POLE: variants seen among roughly 807,000 people sequenced by gnomAD.
POLE encodes the protein DNA polymerase epsilon catalytic subunit A.
In POLE, 188 loss-of-function variants were observed where a neutral mutation model predicts 279.2. The observed-to-expected ratio is 0.67, with a 90% confidence interval of 0.60 to 0.76. The LOEUF (loss-of-function observed/expected upper bound fraction) is 0.76, where lower values mean the gene tolerates loss of function less well. Among genes scored for constraint, POLE ranks in the 30% least tolerant of loss-of-function variants. The pLI is 0.00. For synonymous variants in POLE, 1,214 were observed against 1,172.5 expected (o/e 1.04, Z -0.72); for missense variants, 2,703 against 3,016.7 (o/e 0.90, Z 2.44).
intron 25 of POLE, chr12:132,660,253 C>T (rs2042649243): frequency 6.5e-6 from 1 of 152,978 alleles, no homozygotes. Context: ...ATGTTCCTGA[C>T]CACAGGCCCC....
rs146902214 is a variant in POLE, at chr12:132,632,794, C to G, written c.6006G>C (p.Ala2002=). The G allele has an allele frequency of 6.2e-7, 1 of 1,603,416 alleles. No homozygotes were observed. The highest frequency in any genetic ancestry group is 8.5e-7 in the Non-Finnish European group (1 of 1,177,080). The change falls in exon 44 of 49, where the codon GCG becomes GCC. Residue 2002 remains alanine (A), a splice_region_variant and synonymous_variant. Coordinates refer to ENST00000320574, the MANE Select transcript of POLE (RefSeq NM_006231.4). ...TGCAGTGGTACACGGCCACGATGTA[C>G]GCTGTGGAGAGGCACACACACCACA... is the stretch of plus-strand genomic sequence containing the variant. ...CQNYFLMIVS[A]YIVAVYHCMK...
rs1565981016 is a variant in POLE at position 132,680,638 on chromosome 12, T to C, written c.254A>G (p.Tyr85Cys). 6.2e-7 allele frequency: 1 copy of C among 1,614,098 alleles called. No individual in the cohort carries two copies. Among genetic ancestry groups the C allele is most frequent in the Non-Finnish European group, 8.5e-7 (1 of 1,179,958 alleles). ...TCTGCTTCCGTCATCTTGAATAAAG[T>C]AGTAATCCACTGCACTGCCTAAGCG... ...DKRLGSAVDY[Y>C]FIQDDGSRFK... The change falls in exon 3 of 49, where the codon TAC (tyrosine) becomes TGC (cysteine). Residue 85 changes from tyrosine to cysteine, a missense_variant. Around this residue, in one of 5 missense-constraint regions of POLE, gnomAD observed 1,011 missense variants for 1,111.7 expected, o/e 0.91. Transcript: ENST00000320574.
chr12:132,648,318 G>A (rs1477846445), intron 32 of POLE, among the ~76,000 whole-genome samples: 2 of 150,970 alleles, frequency 1.3e-5, no homozygotes, highest in Admixed American at 6.6e-5. Flanking sequence ...TCTTTTTGGA[G>A]TGATGAAAAT....
chr12:132,626,571 GAA>G (rs1434140136), intron 45 of POLE, among the ~76,000 whole-genome samples: 1 of 152,022 alleles, frequency 6.6e-6, no homozygotes, highest in Non-Finnish European at 1.5e-5. Context: ...TCAAAACACT[GAA>G]GAGAGAGAGC....
Position 132,670,178 on chromosome 12 carries a change from C to G in POLE, c.1795-1239G>C, listed in dbSNP as rs1270005952. 3.3e-5 allele frequency among the ~76,000 whole-genome samples: 5 copies of G among 151,808 alleles called. No individual in the cohort carries two copies. The East Asian group carries it at 9.9e-4, about 30-fold the overall frequency. ...CTGAGGTCGGGAGTTCGAGACCAGCCTGGCCAACATGGAGAAACCCTGTCT... is the reference window on the plus strand; with the variant it reads ...CTGAGGTCGGGAGTTCGAGACCAGCGTGGCCAACATGGAGAAACCCTGTCT... On this transcript the variant is annotated intron_variant, in intron 16 of 48. Transcript: ENST00000320574.
chr12:132,673,550 G>T (rs2135998783), intron 13 of POLE, 25 bp downstream of exon 13: 1 of 1,595,198 alleles, frequency 6.3e-7, no homozygotes. Flanking sequence ...CGGCAGCAGG[G>T]GCAGCCGGGA....
Position 132,660,908 on chromosome 12 carries a change from T to C in POLE, c.3060+61A>G, listed in dbSNP as rs1428092970. 7.2e-6 allele frequency: 10 copies of C among 1,386,622 alleles called. No homozygotes were observed. In the African/African-American group the frequency reaches 1.4e-4, roughly 20 times the overall value. The allele number at this position is 1,386,622 out of a possible 1,614,324, so 85.9% of individuals were successfully genotyped here. A position where few individuals can be genotyped will look rare whatever the true frequency, so the allele number is the denominator to read the frequency against. ...CTCCAGGAGCCCAGGAAGCACGGGGTCCCCTTCTTGCTTCATCCTTCATCC... is the reference window on the plus strand; with the variant it reads ...CTCCAGGAGCCCAGGAAGCACGGGGCCCCCTTCTTGCTTCATCCTTCATCC... On this transcript the variant is annotated intron_variant, in intron 25 of 48. Coordinates refer to ENST00000320574, the MANE Select transcript of POLE (RefSeq NM_006231.4).
intron 16 of POLE, among the ~76,000 whole-genome samples, chr12:132,671,262 CAAAAAAAAAAA>C (rs397850854): frequency 0.023 from 1,455 of 64,620 alleles, 88 homozygotes; most frequent in African/African-American, 0.091. Flanking sequence ...GACTCCGTCT[CAAAAAAAAAAA>C]AAAAAAAAAA....
At chr12:132,652,951 A>G (rs2138632637) in intron 29 of POLE, among the ~76,000 whole-genome samples, 1 of 152,330 alleles carries the variant, frequency 6.6e-6, no homozygotes, top group Non-Finnish European at 1.5e-5. Context: ...CTTTTGGCAG[A>G]TTCTTTTTTA....
intron 1 of POLE, among the ~76,000 whole-genome samples, chr12:132,682,043 C>T (rs1280451816): frequency 6.6e-6 from 1 of 152,064 alleles, no homozygotes; most frequent in Non-Finnish European, 1.5e-5. Flanking sequence ...AAAATTAAAT[C>T]CCAGCACCGT....
chr12:132,626,414 T>G, intron 45 of POLE, 97 bp from the exon 46 acceptor site: 1 of 1,171,564 alleles, frequency 8.5e-7, no homozygotes, highest in Non-Finnish European at 1.2e-6. Context: ...TACAGTTTCC[T>G]GGTGTCCTTT....
intron 6 of POLE, among the ~76,000 whole-genome samples, chr12:132,678,065 A>G (rs2043096150): frequency 1.3e-5 from 2 of 152,070 alleles, no homozygotes; most frequent in South Asian, 2.1e-4. Flanking sequence ...GTAACCCCAG[A>G]TACCTGGGAG....
At chr12:132,646,273 CA>C (rs1303341072) in intron 32 of POLE, among the ~76,000 whole-genome samples, 3 of 152,094 alleles carry the variant, frequency 2.0e-5, no homozygotes, top group Non-Finnish European at 4.4e-5. Flanking sequence ...GAAGGTTGCA[CA>C]GGGGGACAAG....
rs1026826641 is a variant in POLE at position 132,657,326 on chromosome 12, C to T, written c.3459+23G>A. 9 of 1,613,896 alleles carry T rather than the reference C, an allele frequency of 5.6e-6. No individual in the cohort carries two copies. The highest frequency in any genetic ancestry group is 2.7e-5 in the African/African-American group (2 of 74,874). On this transcript the variant is annotated intron_variant, in intron 28 of 48. Coordinates refer to ENST00000320574, the MANE Select transcript of POLE (RefSeq NM_006231.4). The stretch of plus-strand genomic sequence containing the variant: ...CTGCACAGTTTTTAGCCCCACAGCC[C>T]GTGCCACTGACCCCGCCCTTACCTG...
chr12:132,678,760 C>T (rs1002506725), intron 6 of POLE, among the ~76,000 whole-genome samples: 7 of 152,170 alleles, frequency 4.6e-5, no homozygotes, highest in Admixed American at 6.5e-5. Context: ...AGAAGTGGCC[C>T]ACCATTGCGG....
intron 26 of POLE, 109 bp from the exon 27 acceptor site, chr12:132,658,079 A>C (rs1233931413): frequency 6.8e-6 from 5 of 736,622 alleles, no homozygotes; most frequent in Non-Finnish European, 1.2e-5. Flanking sequence ...ACAGCTGTTC[A>C]CAAACATCAA....
At chr12:132,656,982 GAGAGT>G (rs1361622419) in intron 29 of POLE, among the ~76,000 whole-genome samples, 149 bp downstream of exon 29, 1 of 152,206 alleles carries the variant, frequency 6.6e-6, no homozygotes, top group African/African-American at 2.4e-5. Flanking sequence ...CTCAGAGTTA[GAGAGT>G]AAAGTGCCAA....
Position 132,675,367 on chromosome 12 carries a change from G to A in POLE, c.1226+31C>T. 1 of 1,610,488 alleles carries A rather than the reference G, an allele frequency of 6.2e-7. No homozygotes were observed. Among genetic ancestry groups the A allele is most frequent in the Non-Finnish European group, 8.5e-7 (1 of 1,178,178 alleles). ...CTTCAGATCTCGCTCACGGACAGCA[G>A]TGAGGAGCCATGCTGCTCTGTGGCC... On this transcript the variant is annotated intron_variant, in intron 12 of 48. Coordinates refer to ENST00000320574, the MANE Select transcript of POLE (RefSeq NM_006231.4). This position sits in a 1 kb window ranked among gnomAD's most constrained non-coding sequence, Gnocchi z 4.3.
intron 13 of POLE, 83 bp downstream of exon 13, chr12:132,673,492 T>C: frequency 6.4e-7 from 1 of 1,566,150 alleles, no homozygotes. Context: ...AGCCGGGATG[T>C]GGCTCACATG....
Sources: allele counts gnomAD v4.1 joint callset (sites outside exome capture counted in the v4.1 genomes callset), GRCh38; gene constraint gnomAD v4.1.1; regional missense constraint gnomAD v4.1.1; non-coding constraint Gnocchi (gnomAD v3.1); transcripts MANE v1.5; gene names NCBI Gene and HGNC (gene_info 2026-07-23, HGNC 2026-07-21).